DACH2: variants seen among roughly 807,000 people sequenced by gnomAD.
DACH2 encodes the protein dachshund homolog 2.
Under a neutral mutation model 35.8 loss-of-function variants are expected in DACH2, and 17 were observed. That is an observed-to-expected ratio of 0.48 (90% CI 0.33 to 0.71). DACH2 has a LOEUF of 0.71. DACH2 is among the 30% of genes least tolerant of loss of function. The pLI is 0.02. For missense variants in DACH2, 469 were observed against 472.7 expected (o/e 0.99, Z 0.07); for synonymous variants, 195 against 177.3 (o/e 1.10, Z -0.79).
chrX:86,199,156 GA>G (rs1202174361), intron 1 of DACH2, among the ~76,000 whole-genome samples: 1 of 110,357 alleles, frequency 9.1e-6, no homozygotes, highest in African/African-American at 3.3e-5. Flanking sequence ...CAGAAGTAAA[GA>G]AAAAAACCAC....
At chrX:86,776,321 G>C (rs2042031365) in intron 7 of DACH2, among the ~76,000 whole-genome samples, 1 of 111,392 alleles carries the variant, frequency 9.0e-6, no homozygotes, top group African/African-American at 3.3e-5. Flanking sequence ...GAGAGATATT[G>C]AATCTCACTT....
chrX:86,792,588 G>GT (rs1486286636), intron 7 of DACH2, among the ~76,000 whole-genome samples: 3 of 111,222 alleles, frequency 2.7e-5, no homozygotes, highest in Non-Finnish European at 5.7e-5. Context: ...AACATGAGAT[G>GT]TTTTTTAGCT....
chrX:86,639,998 C>T (rs1300729175), intron 3 of DACH2, among the ~76,000 whole-genome samples: 2 of 111,525 alleles, frequency 1.8e-5, no homozygotes, highest in Non-Finnish European at 3.8e-5. Flanking sequence ...GAGGGACAGG[C>T]TATCATCTTT....
In DACH2 at chrX:86,714,050, G is replaced by T. The variant is rs181270800; in HGVS notation, c.932-498G>T. ...TCATTTTAGAGATTTATATCTAAAA[G>T]GGTATAACATACTCCAAGTCTTGTT... On this transcript the variant is annotated intron_variant, in intron 5 of 11. Coordinates refer to ENST00000373125, the MANE Select transcript of DACH2 (RefSeq NM_053281.3). 7.2e-5 allele frequency among the ~76,000 whole-genome samples: 8 copies of T among 111,476 alleles called. No individual in the cohort carries two copies. In the Admixed American group the frequency reaches 7.7e-4, roughly 11 times the overall value.
intron 1 of DACH2, among the ~76,000 whole-genome samples, chrX:86,260,704 C>T (rs1387741151): frequency 8.9e-6 from 1 of 111,898 alleles, no homozygotes; most frequent in Non-Finnish European, 1.9e-5. Context: ...TCCTTATATA[C>T]CCCTCAATAG....
At chrX:86,245,711 A>C (rs1046495613) in intron 1 of DACH2, among the ~76,000 whole-genome samples, 3 of 112,037 alleles carry the variant, frequency 2.7e-5, no homozygotes, top group African/African-American at 6.5e-5. Context: ...GATTAAATGA[A>C]TATCAGCCCA....
In DACH2 at chrX:86,738,796, A is replaced by C. The variant is rs1362009181; in HGVS notation, c.1105-951A>C. 8.9e-5 allele frequency among the ~76,000 whole-genome samples: 10 copies of C among 111,893 alleles called. No individual in the cohort carries two copies. In the Admixed American group the frequency reaches 9.5e-4, roughly 11 times the overall value. ...ATTGAAAACTACAAAAATATATGGA[A>C]TAGTAGAAGAATTGACCTTGATAGA... is the stretch of plus-strand genomic sequence containing the variant. On this transcript the variant is annotated intron_variant, in intron 6 of 11. Transcript: ENST00000373125.
At chrX:86,653,844 TTTAG>T (rs2040507670) in intron 4 of DACH2, among the ~76,000 whole-genome samples, 1 of 108,855 alleles carries the variant, frequency 9.2e-6, no homozygotes, top group African/African-American at 3.4e-5. Flanking sequence ...TTTGTGTACT[TTTAG>T]TAGAGAAGGG....
chrX:86,522,818 G>A (rs1275259298), intron 3 of DACH2, among the ~76,000 whole-genome samples: 1 of 111,575 alleles, frequency 9.0e-6, no homozygotes, highest in African/African-American at 3.3e-5. Context: ...GGGATACACA[G>A]GGAGAAAAGG....
chrX:86,361,410 G>A (rs2035737605), intron 1 of DACH2, among the ~76,000 whole-genome samples: 2 of 111,362 alleles, frequency 1.8e-5, no homozygotes, highest in Non-Finnish European at 1.9e-5. Flanking sequence ...ATTTCTAAGA[G>A]AACTCCAACA....
intron 3 of DACH2, among the ~76,000 whole-genome samples, chrX:86,626,238 C>A (rs541289332): frequency 3.5e-5 from 4 of 112,685 alleles, no homozygotes; most frequent in African/African-American, 1.3e-4. Context: ...GCAGGGCAAT[C>A]AAATCTTAAA....
intron 1 of DACH2, among the ~76,000 whole-genome samples, chrX:86,162,282 T>A (rs1478208814): frequency 5.4e-5 from 6 of 111,298 alleles, no homozygotes; most frequent in Admixed American, 3.8e-4. Context: ...TTAGGAAGCC[T>A]CTTGATTTTA....
intron 2 of DACH2, among the ~76,000 whole-genome samples, chrX:86,507,716 G>T (rs1483716262): frequency 8.9e-6 from 1 of 111,829 alleles, no homozygotes; most frequent in Non-Finnish European, 1.9e-5. Flanking sequence ...AAATCATTTA[G>T]ACTTTATTTT....
At chrX:86,176,538 G>A (rs1449330780) in intron 1 of DACH2, among the ~76,000 whole-genome samples, 2 of 110,841 alleles carry the variant, frequency 1.8e-5, no homozygotes, top group Non-Finnish European at 3.8e-5. Context: ...CTAAAATTTT[G>A]TACTATATAT....
chrX:86,483,270 T>C (rs1046149897), intron 2 of DACH2, among the ~76,000 whole-genome samples: 9 of 110,892 alleles, frequency 8.1e-5, no homozygotes, highest in Admixed American at 1.9e-4. Flanking sequence ...AAAATAAATA[T>C]ATACCTGATG....
intron 3 of DACH2, among the ~76,000 whole-genome samples, chrX:86,549,424 T>C (rs1230745675): frequency 1.8e-5 from 2 of 111,314 alleles, no homozygotes; most frequent in Non-Finnish European, 3.8e-5. Context: ...TATAGATTCA[T>C]AGAACTCTAG....
At chrX:86,393,305 C>A (rs910891266) in intron 2 of DACH2, among the ~76,000 whole-genome samples, 7 of 111,587 alleles carry the variant, frequency 6.3e-5, no homozygotes, top group Non-Finnish European at 7.5e-5. Flanking sequence ...CTTGCTAAAT[C>A]TACTCATCAT....
intron 2 of DACH2, among the ~76,000 whole-genome samples, chrX:86,482,448 T>C (rs1453772287): frequency 9.0e-6 from 1 of 111,597 alleles, no homozygotes; most frequent in African/African-American, 3.3e-5. Flanking sequence ...GTTGGACATT[T>C]GGGTTGGTTC....
At chrX:86,567,728 G>T (rs1228579149) in intron 3 of DACH2, among the ~76,000 whole-genome samples, 1 of 111,427 alleles carries the variant, frequency 9.0e-6, no homozygotes, top group Non-Finnish European at 1.9e-5. Context: ...AGTAGACGAG[G>T]CTGTAATGGC....
Sources: allele counts gnomAD v4.1 joint callset (sites outside exome capture counted in the v4.1 genomes callset), GRCh38; gene constraint gnomAD v4.1.1; transcripts MANE v1.5; gene names NCBI Gene and HGNC (gene_info 2026-07-23, HGNC 2026-07-21).